The following LGALS4 variants were observed in gnomAD, a reference collection of about 807,000 sequenced individuals.
LGALS4 encodes galectin 4, also known as galectin-4.
LGALS4 carries 37 observed loss-of-function variants against 39.6 expected under a neutral mutation model. That is an observed-to-expected ratio of 0.93 (90% CI 0.72 to 1.23). The LOEUF (loss-of-function observed/expected upper bound fraction) is 1.23, where lower values mean the gene tolerates loss of function less well. Among genes scored for constraint, LGALS4 ranks in the 50% most tolerant of loss-of-function variants. The pLI, the probability that LGALS4 is intolerant of heterozygous loss-of-function variation, is 0.00. For missense variants in LGALS4, 397 were observed against 433.2 expected, an observed-to-expected ratio of 0.92 and a Z score of 0.74; for synonymous variants, 160 against 165.5, an observed-to-expected ratio of 0.97 and a Z score of 0.25.
At chr19:38,807,505 G>T (rs1489242713) in intron 3 of LGALS4, among the ~76,000 whole-genome samples, 3 of 152,168 alleles carry the variant, frequency 2.0e-5, no homozygotes, top group Admixed American at 1.3e-4. Context: ...TTAAAAATAG[G>T]CAGGAAACGG....
At chr19:38,812,815 G>A (rs778262177) in intron 1 of LGALS4, 27 bp downstream of exon 1, 82 of 1,608,930 alleles carry the variant, frequency 5.1e-5, no homozygotes, top group Middle Eastern at 1.7e-4. Flanking sequence ...AGCTGCGGGC[G>A]GAGTGGGGCC....
intron 7 of LGALS4, chr19:38,803,315 C>A: frequency 4.9e-6 from 3 of 611,680 alleles, no homozygotes; most frequent in Non-Finnish European, 5.8e-6. Context: ...CCATGTCCAG[C>A]CCAAGAACAA....
intron 4 of LGALS4, among the ~76,000 whole-genome samples, chr19:38,805,166 A>AAATAATAATAAT (rs3993040): frequency 6.2e-4 from 75 of 121,090 alleles, no homozygotes; most frequent in African/African-American, 1.7e-3. Flanking sequence ...CCTGCCTCAA[A>AAATAATAATAAT]AATAATAATA....
Position 38,801,914 on chromosome 19 carries a change from C to CA in LGALS4, c.826-5dup. Reference sequence around the variant, plus strand: ...CCAAGCCACAGCGAATGGACAGCTGCAGGGAGAAGGGTGGGCATGAGGCCA... The same window carrying CA: ...CCAAGCCACAGCGAATGGACAGCTGCAAGGGAGAAGGGTGGGCATGAGGCCA... On this transcript the variant is annotated splice_region_variant and splice_polypyrimidine_tract_variant and intron_variant, in intron 9 of 9. Transcript: ENST00000307751. 6.2e-7 allele frequency: 1 copy of CA among 1,614,078 alleles called. No individual in the cohort carries two copies. Among genetic ancestry groups the CA allele is most frequent in the South Asian group, 1.1e-5 (1 of 91,064 alleles).
chr19:38,802,425 G>C (rs771645084), intron 7 of LGALS4, 21 bp from the exon 8 acceptor site: 1 of 1,578,670 alleles, frequency 6.3e-7, no homozygotes, highest in Non-Finnish European at 8.7e-7. Flanking sequence ...AGAACGGGGG[G>C]TCCCATTCTC....
At chr19:38,804,039 A>G (rs1052353853) in intron 4 of LGALS4, 144 bp from the exon 5 acceptor site, 1 of 937,590 alleles carries the variant, frequency 1.1e-6, no homozygotes, top group African/African-American at 1.6e-5. Context: ...CACCCCGATC[A>G]CAGATTCACG....
chr19:38,805,347 A>G (rs1433718209), intron 4 of LGALS4, among the ~76,000 whole-genome samples: 1 of 150,722 alleles, frequency 6.6e-6, no homozygotes, highest in Non-Finnish European at 1.5e-5. Flanking sequence ...ACTTCCTCCT[A>G]CTCCAGGAAG....
In LGALS4 at chr19:38,803,518, A is replaced by G. The variant is rs747879695; in HGVS notation, c.570+4T>C. On this transcript the variant is annotated splice_donor_region_variant and intron_variant, in intron 7 of 9. Transcript: ENST00000307751. The stretch of plus-strand genomic sequence containing the variant: ...CCATCCATCTCTGTTTCCCCAAGCC[A>G]TACCGGGTTGAAGGTTGGGGGTCCT... 6.2e-7 allele frequency: 1 copy of G among 1,613,510 alleles called. No homozygotes were observed.
intron 6 of LGALS4, 45 bp downstream of exon 6, chr19:38,803,697 C>T: frequency 6.2e-7 from 1 of 1,607,024 alleles, no homozygotes; most frequent in Non-Finnish European, 8.5e-7. Context: ...CCAATTCTCA[C>T]CATTCCCACT....
chr19:38,807,488 A>G (rs1472764574), intron 3 of LGALS4, among the ~76,000 whole-genome samples: 1 of 152,166 alleles, frequency 6.6e-6, no homozygotes, highest in Non-Finnish European at 1.5e-5. Flanking sequence ...GCGCTAAAAG[A>G]GGATTTTTAA....
rs561257319 is a variant in LGALS4 at position 38,802,527 on chromosome 19, C to G, written c.571-123G>C. 5 of 705,742 alleles carry G rather than the reference C, an allele frequency of 7.1e-6. No homozygotes were observed. In the African/African-American group the frequency reaches 7.1e-5, roughly 10 times the overall value. 43.7% of individuals were successfully genotyped at this position (705,742 alleles called of 1,614,324 possible). ...TTTTCTTATAAGAGATGGGGTCTTA[C>G]TCTGTCACCCAGGCTGGAGTGCAGT... On this transcript the variant is annotated intron_variant, in intron 7 of 9. Transcript: ENST00000307751.
At chr19:38,806,185 G>C (rs752133862) in intron 4 of LGALS4, among the ~76,000 whole-genome samples, 1 of 151,908 alleles carries the variant, frequency 6.6e-6, no homozygotes. Flanking sequence ...GGCTAACACA[G>C]TGAAACCCTG....
chr19:38,804,678 T>C (rs1599992478), intron 4 of LGALS4, among the ~76,000 whole-genome samples: 1 of 152,200 alleles, frequency 6.6e-6, no homozygotes, highest in African/African-American at 2.4e-5. Flanking sequence ...TAGCTTTATA[T>C]AGCCGGGCGT....
Position 38,809,184 on chromosome 19 carries a change from T to TC in LGALS4, c.135-237_135-236insG, listed in dbSNP as rs1370813656. ...CACAGCCTTTCCTTCTTTTTTTTTT[T>TC]TTTTTTTTTTTTGAGATGGAGTCTT... On this transcript the variant is annotated intron_variant, in intron 2 of 9. Transcript: ENST00000307751. 3.6e-5 allele frequency among the ~76,000 whole-genome samples: 5 copies of TC among 138,818 alleles called. No homozygotes were observed. In the East Asian group the frequency reaches 8.1e-4, roughly 23 times the overall value. The allele number at this position is 138,818 out of a possible 152,430, so 91.1% of individuals were successfully genotyped here. A position where few individuals can be genotyped will look rare whatever the true frequency, so the allele number is the denominator to read the frequency against.
chr19:38,812,577 C>T, intron 1 of LGALS4, 58 bp from the exon 2 acceptor site: 1 of 1,514,446 alleles, frequency 6.6e-7, no homozygotes, highest in Non-Finnish European at 9.2e-7. Flanking sequence ...CAGCCTTTAC[C>T]CCTCCCAGAA....
rs528359796 is a variant in LGALS4 at position 38,806,900 on chromosome 19, T to C, written c.340-305A>G. 1.4e-4 allele frequency among the ~76,000 whole-genome samples: 21 copies of C among 150,644 alleles called. No individual in the cohort carries two copies. In the East Asian group the frequency reaches 3.9e-3, roughly 28 times the overall value. ...AGGTGGAGGTTGCAGTGAGTGGAGA[T>C]CACGCTGCTGCACTCCAGCTTGGGT... On this transcript the variant is annotated intron_variant, in intron 3 of 9. Coordinates refer to ENST00000307751, the MANE Select transcript of LGALS4 (RefSeq NM_006149.4).
intron 2 of LGALS4, among the ~76,000 whole-genome samples, chr19:38,810,978 C>T (rs1422531272): frequency 3.3e-5 from 5 of 150,732 alleles, no homozygotes; most frequent in Admixed American, 2.6e-4. Flanking sequence ...CTCGGCTCAC[C>T]GAAACCTCCA....
intron 4 of LGALS4, among the ~76,000 whole-genome samples, chr19:38,805,394 C>T (rs1971411176): frequency 6.6e-6 from 1 of 151,958 alleles, no homozygotes; most frequent in African/African-American, 2.4e-5. Flanking sequence ...CAAGCCCTTC[C>T]TGTAGGCTCC....
chr19:38,806,285 G>A (rs1971420280), intron 4 of LGALS4, among the ~76,000 whole-genome samples, 176 bp downstream of exon 4: 2 of 150,796 alleles, frequency 1.3e-5, no homozygotes, highest in Admixed American at 6.6e-5. Flanking sequence ...GGAGAATGGC[G>A]TGAACCTGGG....
Sources: allele counts gnomAD v4.1 joint callset (sites outside exome capture counted in the v4.1 genomes callset), GRCh38; gene constraint gnomAD v4.1.1; transcripts MANE v1.5; gene names NCBI Gene and HGNC (gene_info 2026-07-23, HGNC 2026-07-21).